Variants in TAFA5 observed in about 807,000 individuals in gnomAD.
TAFA5 encodes chemokine-like protein TAFA-5.
A neutral mutation model predicts 15.3 loss-of-function variants in TAFA5; 6 were observed. The observed-to-expected ratio is 0.39, with a 90% CI of 0.21 to 0.77. TAFA5 has a LOEUF of 0.77. Among genes scored for constraint, TAFA5 ranks in the 30% least tolerant of loss-of-function variants. TAFA5 has a pLI of 0.41. For synonymous variants in TAFA5, 103 were observed against 80.7 expected (o/e 1.28, Z -1.48); for missense variants, 161 against 193.1 (o/e 0.83, Z 0.98).
At chr22:48,652,315 G>A (rs982933890) in intron 2 of TAFA5, among the ~76,000 whole-genome samples, 3 of 152,250 alleles carry the variant, frequency 2.0e-5, no homozygotes, top group Non-Finnish European at 4.4e-5. Context: ...GCTCAGCCTG[G>A]CCAGGGGTTG....
At position 48,552,682 on chromosome 22, in the gene TAFA5, G is replaced by C. The variant is rs537856048; in HGVS notation, c.112+62978G>C. ...CCCTGTAGATTAGCTCAGCTTACTTGATTCATTGATTTTGTCAAGGGTCCG... is the reference window on the plus strand; with the variant it reads ...CCCTGTAGATTAGCTCAGCTTACTTCATTCATTGATTTTGTCAAGGGTCCG... On this transcript the variant is annotated intron_variant, in intron 1 of 3. Coordinates refer to ENST00000402357, the MANE Select transcript of TAFA5 (RefSeq NM_001082967.3). This position sits in a 1 kb window ranked among gnomAD's most constrained non-coding sequence, Gnocchi z 4.1. 6.6e-6 allele frequency among the ~76,000 whole-genome samples: 1 copy of C among 152,274 alleles called. No individual in the cohort carries two copies. The highest frequency in any genetic ancestry group is 6.5e-5 in the Admixed American group (1 of 15,304).
intron 2 of TAFA5, among the ~76,000 whole-genome samples, chr22:48,699,017 C>T (rs1235102573): frequency 6.6e-6 from 1 of 151,112 alleles, no homozygotes. Context: ...TCTCGGCTCA[C>T]TGCAACCTCT....
Position 48,552,033 on chromosome 22 carries a change from C to T in TAFA5, c.112+62329C>T, listed in dbSNP as rs1922874506. The stretch of plus-strand genomic sequence containing the variant: ...CCCTGCGATGGCCGTTCAGCTCTGA[C>T]TGTCCTCCCGGCAGGAAGCGTCCTC... On this transcript the variant is annotated intron_variant, in intron 1 of 3. Coordinates refer to ENST00000402357, the MANE Select transcript of TAFA5 (RefSeq NM_001082967.3). The surrounding 1 kb of genome is among the most constrained non-coding windows in gnomAD (Gnocchi z 4.1). Among the ~76,000 whole-genome samples, 1 of 152,242 alleles carries T rather than the reference C, an allele frequency of 6.6e-6. No individual in the cohort carries two copies. The highest frequency in any genetic ancestry group is 1.5e-5 in the Non-Finnish European group (1 of 68,042).
At position 48,581,306 on chromosome 22, in the gene TAFA5, G is replaced by A. The variant is rs528957606; in HGVS notation, c.113-65291G>A. On this transcript the variant is annotated intron_variant, in intron 1 of 3. Transcript: ENST00000402357. ...TGCAAGGGCCGAGCCAGTCCCTGCC[G>A]AGGGCCAGGCTGGCAGTGGACGGAC... Among the ~76,000 whole-genome samples the A allele has an allele frequency of 1.4e-3, 207 of 152,324 alleles. 2 individuals carry two copies. The highest frequency in any genetic ancestry group is 4.7e-3 in the African/African-American group (197 of 41,588).
chr22:48,627,542 C>T (rs905171720), intron 1 of TAFA5, among the ~76,000 whole-genome samples: 6 of 152,254 alleles, frequency 3.9e-5, no homozygotes, highest in Non-Finnish European at 7.3e-5. Flanking sequence ...AGTTCCATCC[C>T]GCTGTGCTTG....
intron 2 of TAFA5, among the ~76,000 whole-genome samples, chr22:48,665,384 G>T (rs1927576370): frequency 6.6e-6 from 1 of 152,144 alleles, no homozygotes; most frequent in African/African-American, 2.4e-5. Flanking sequence ...AATTCTTAAT[G>T]TTAGCTAAGT....
intron 2 of TAFA5, among the ~76,000 whole-genome samples, chr22:48,664,086 AG>A (rs2147216462): frequency 1.3e-5 from 2 of 152,342 alleles, no homozygotes; most frequent in African/African-American, 4.8e-5. Flanking sequence ...AGACTGCAAA[AG>A]TTATGGCCAC....
At chr22:48,655,033 G>A (rs1927186782) in intron 2 of TAFA5, among the ~76,000 whole-genome samples, 1 of 152,170 alleles carries the variant, frequency 6.6e-6, no homozygotes, top group Non-Finnish European at 1.5e-5. Context: ...GGCAATCCAG[G>A]AAGGCTTCCT....
intron 2 of TAFA5, among the ~76,000 whole-genome samples, chr22:48,654,533 C>A (rs1374204106): frequency 2.0e-5 from 3 of 152,246 alleles, no homozygotes; most frequent in Non-Finnish European, 2.9e-5. Flanking sequence ...CTGCAGGGTC[C>A]TGGGCAATGG....
At chr22:48,555,132 C>T (rs75877187) in intron 1 of TAFA5, among the ~76,000 whole-genome samples, 3 of 152,224 alleles carry the variant, frequency 2.0e-5, no homozygotes, top group Non-Finnish European at 2.9e-5. Context: ...ACCACTGTCT[C>T]TTAGCAAACA....
intron 1 of TAFA5, among the ~76,000 whole-genome samples, chr22:48,551,077 G>A (rs959351626): frequency 5.3e-5 from 8 of 151,930 alleles, no homozygotes; most frequent in East Asian, 1.9e-4. Context: ...AAAGTCCTCC[G>A]TGCCCCTCTG....
At chr22:48,510,386 G>T (rs894730000) in intron 1 of TAFA5, among the ~76,000 whole-genome samples, 1 of 152,178 alleles carries the variant, frequency 6.6e-6, no homozygotes, top group African/African-American at 2.4e-5. Flanking sequence ...GTAGACAAAA[G>T]ATATGAATAG....
chr22:48,502,843 G>A (rs5768685), intron 1 of TAFA5, among the ~76,000 whole-genome samples: 15,801 of 152,198 alleles, frequency 0.1, 1,150 homozygotes, highest in East Asian at 0.35. Flanking sequence ...CCTCTATTTC[G>A]AAAAGACACT....
intron 3 of TAFA5, among the ~76,000 whole-genome samples, chr22:48,735,991 T>C (rs535019224): frequency 0.06 from 1,610 of 26,676 alleles, 385 homozygotes; most frequent in African/African-American, 0.26. Context: ...ATCGCACTCC[T>C]GGAGTCCAGA....
intron 1 of TAFA5, among the ~76,000 whole-genome samples, chr22:48,636,624 T>G (rs1926460154): frequency 6.6e-6 from 1 of 152,246 alleles, no homozygotes. Context: ...CCTTCTGTTG[T>G]GGGGAGACGC....
intron 3 of TAFA5, among the ~76,000 whole-genome samples, chr22:48,749,570 G>T (rs1930422229): frequency 6.6e-6 from 1 of 152,222 alleles, no homozygotes; most frequent in Non-Finnish European, 1.5e-5. Flanking sequence ...CCGGCAAGTG[G>T]GGTGGGAAGG....
rs528674732 is a variant in TAFA5 at position 48,693,177 on chromosome 22, G to T, written c.263-14540G>T. 2.3e-5 allele frequency: 22 copies of T among 956,092 alleles called. No homozygotes were observed. The South Asian group carries it at 3.3e-4, about 14-fold the overall frequency. The allele number at this position is 956,092 out of a possible 1,614,324, so 59.2% of individuals were successfully genotyped here. On this transcript the variant is annotated intron_variant, in intron 2 of 3. Coordinates refer to ENST00000402357, the MANE Select transcript of TAFA5 (RefSeq NM_001082967.3). ...AGCCTCTGCTGGAAAATACGTCCTT[G>T]TCTGCCTGGAGGGGCCTCAGTGACG...
Position 48,560,411 on chromosome 22 carries a change from G to A in TAFA5, c.112+70707G>A, listed in dbSNP as rs999764799. Among the ~76,000 whole-genome samples the A allele has an allele frequency of 1.3e-5, 2 of 152,080 alleles. No homozygotes were observed. The highest frequency in any genetic ancestry group is 6.6e-5 in the Admixed American group (1 of 15,266). On this transcript the variant is annotated intron_variant, in intron 1 of 3. Transcript: ENST00000402357. This position sits in a 1 kb window ranked among gnomAD's most constrained non-coding sequence, Gnocchi z 4.2. ...GGAGACCACACGTGGGATGCCAGGA[G>A]CACCAAGGGTGCAGGTAGGCCATCA... is the stretch of plus-strand genomic sequence containing the variant.
At chr22:48,634,116 A>G (rs2337484) in intron 1 of TAFA5, among the ~76,000 whole-genome samples, 6 of 73,414 alleles carry the variant, frequency 8.2e-5, no homozygotes, top group East Asian at 1.1e-3. Context: ...ACGTTCACTC[A>G]CTCGCTCACT....
Sources: allele counts gnomAD v4.1 joint callset (sites outside exome capture counted in the v4.1 genomes callset), GRCh38; gene constraint gnomAD v4.1.1; non-coding constraint Gnocchi (gnomAD v3.1); transcripts MANE v1.5; gene names NCBI Gene and HGNC (gene_info 2026-07-23, HGNC 2026-07-21).